Variants in IKBKB observed in about 807,000 individuals in gnomAD.
IKBKB encodes the protein inhibitor of nuclear factor kappa-B kinase subunit beta.
A neutral mutation model predicts 113.6 loss-of-function variants in IKBKB; 42 were observed. That is an observed-to-expected ratio of 0.37 (90% CI 0.29 to 0.48). IKBKB has a LOEUF of 0.48. Ranked by LOEUF, IKBKB falls within the 20% of genes least tolerant of loss-of-function variation. The probability of loss-of-function intolerance (pLI) is 0.99; values close to 1 mark genes in which losing one functional copy is unlikely to be tolerated. For synonymous variants in IKBKB, 296 were observed against 361.3 expected, an observed-to-expected ratio of 0.82 and a Z score of 2.05; for missense variants, 673 against 939.7, an observed-to-expected ratio of 0.72 and a Z score of 3.71.
At chr8:42,278,713 T>TG (rs1809703448) in intron 2 of IKBKB, among the ~76,000 whole-genome samples, 2 of 334 alleles carry the variant, frequency 6.0e-3, no homozygotes, top group Admixed American at 0.056. Context: ...AAGAGATATT[T>TG]AGCCTGGTGC....
intron 9 of IKBKB, among the ~76,000 whole-genome samples, chr8:42,315,360 G>A (rs1424209178): frequency 6.6e-6 from 1 of 152,130 alleles, no homozygotes; most frequent in Non-Finnish European, 1.5e-5. Flanking sequence ...TTTTGGAAGG[G>A]TCTAGACAGA....
chr8:42,293,760 G>C (rs1665620343), intron 5 of IKBKB, among the ~76,000 whole-genome samples: 1 of 152,142 alleles, frequency 6.6e-6, no homozygotes, highest in Non-Finnish European at 1.5e-5. Flanking sequence ...GATGTATAGG[G>C]AATAACAGAT....
At chr8:42,281,202 C>T (rs1810310759) in intron 2 of IKBKB, among the ~76,000 whole-genome samples, 2 of 152,102 alleles carry the variant, frequency 1.3e-5, no homozygotes, top group African/African-American at 4.8e-5. Context: ...TTAGCAGGAT[C>T]TGGAAAGGAG....
At chr8:42,328,294 T>C (rs2130730900) in intron 20 of IKBKB, among the ~76,000 whole-genome samples, 1 of 142,432 alleles carries the variant, frequency 7.0e-6, no homozygotes, top group African/African-American at 2.6e-5. Context: ...CCCCAACCTC[T>C]CATGAGCTCC....
intron 4 of IKBKB, among the ~76,000 whole-genome samples, chr8:42,291,037 G>A (rs1443235915): frequency 1.3e-5 from 2 of 152,220 alleles, no homozygotes; most frequent in Admixed American, 6.5e-5. Context: ...ATGGGTGGAT[G>A]TCATGGCCCA....
At chr8:42,311,486 A>G (rs949308584) in intron 8 of IKBKB, among the ~76,000 whole-genome samples, 1 of 146,112 alleles carries the variant, frequency 6.8e-6, no homozygotes, top group Admixed American at 7.3e-5. Context: ...GCTGGAACCC[A>G]GGAGGCAGAG....
chr8:42,326,209 G>T, intron 20 of IKBKB, 112 bp downstream of exon 20: 1 of 1,322,314 alleles, frequency 7.6e-7, no homozygotes, highest in East Asian at 2.5e-5. Flanking sequence ...CCACCTCTCT[G>T]GATGTTTGTT....
Position 42,316,204 on chromosome 8 carries a change from CCA to C in IKBKB, c.801-3_801-2del. On this transcript the variant is annotated splice_polypyrimidine_tract_variant and splice_region_variant and intron_variant, in intron 9 of 21. Transcript: ENST00000520810. This position sits in a 1 kb window ranked among gnomAD's most constrained non-coding sequence, Gnocchi z 4.5. The stretch of plus-strand genomic sequence containing the variant: ...GTCTCCTCACACACTATGCTCCTCT[CCA>C]CAGTGTCCTGGCTGAGCGACTGGAG... 4 of 1,613,888 alleles carry C rather than the reference CCA, an allele frequency of 2.5e-6. No individual in the cohort carries two copies. The highest frequency in any genetic ancestry group is 3.4e-6 in the Non-Finnish European group (4 of 1,179,896).
At chr8:42,292,711 A>G (rs1812906867) in intron 4 of IKBKB, among the ~76,000 whole-genome samples, 1 of 152,150 alleles carries the variant, frequency 6.6e-6, no homozygotes, top group Non-Finnish European at 1.5e-5. Flanking sequence ...TCCCAGCAGC[A>G]CACAGAGCCT....
At chr8:42,314,876 A>G (rs527836118) in intron 9 of IKBKB, among the ~76,000 whole-genome samples, 58 of 152,326 alleles carry the variant, frequency 3.8e-4, no homozygotes, top group African/African-American at 1.3e-3. Flanking sequence ...AAATTAACAT[A>G]GTCCTTCTTA....
intron 17 of IKBKB, 39 bp from the exon 18 acceptor site, chr8:42,322,015 G>A (rs200792258): frequency 6.8e-6 from 11 of 1,607,792 alleles, no homozygotes; most frequent in Non-Finnish European, 9.4e-6. Context: ...ACTCTCTGCT[G>A]GCTTCCTTGA....
rs142827656 is a variant in IKBKB, at chr8:42,304,152, G to A, written c.389-1035G>A. On this transcript the variant is annotated intron_variant, in intron 5 of 21. Transcript: ENST00000520810. ...GCTATTGACTTGTGTATTCTTGTTCGTTTCCAGACAACTGGCTAAATTTTA... is the reference window on the plus strand; with the variant it reads ...GCTATTGACTTGTGTATTCTTGTTCATTTCCAGACAACTGGCTAAATTTTA... Among the ~76,000 whole-genome samples the A allele has an allele frequency of 1.9e-3, 284 of 152,166 alleles. 1 individual carries two copies. Among genetic ancestry groups the A allele is most frequent in the Non-Finnish European group, 3.0e-3 (207 of 67,988 alleles).
chr8:42,287,486 T>C (rs1811659601), intron 2 of IKBKB, among the ~76,000 whole-genome samples: 1 of 152,270 alleles, frequency 6.6e-6, no homozygotes, highest in African/African-American at 2.4e-5. Flanking sequence ...GCACCTGTGC[T>C]GGCAAGTGTA....
intron 20 of IKBKB, among the ~76,000 whole-genome samples, chr8:42,327,587 C>T (rs567387917): frequency 2.0e-5 from 3 of 151,640 alleles, no homozygotes; most frequent in African/African-American, 7.3e-5. Flanking sequence ...CCTGCCTCAG[C>T]CTCCCAAAGT....
chr8:42,322,577 C>A, intron 19 of IKBKB, 83 bp downstream of exon 19: 1 of 1,422,276 alleles, frequency 7.0e-7, no homozygotes. Context: ...CCATCCCACA[C>A]GGGACACCAC....
chr8:42,288,805 C>T lies in IKBKB; in HGVS notation c.200+77C>T, dbSNP rs1024106098. On this transcript the variant is annotated intron_variant, in intron 3 of 21. Coordinates refer to ENST00000520810, the MANE Select transcript of IKBKB (RefSeq NM_001556.3). ...GGTGTGTCTAGAAAGGAGAGTCTTG[C>T]TGGGTGCGTGGCTCACGCCTGTAAT... is the stretch of plus-strand genomic sequence containing the variant. The T allele has an allele frequency of 5.8e-6, 7 of 1,211,564 alleles. No individual in the cohort carries two copies. In the African/African-American group the frequency reaches 9.1e-5, roughly 16 times the overall value. 75.1% of individuals were successfully genotyped at this position (1,211,564 alleles called of 1,614,324 possible). A position where few individuals can be genotyped will look rare whatever the true frequency, so the allele number is the denominator to read the frequency against.
chr8:42,317,593 CATTATCAGTTAGAAAAGAGAGGGTTG>C, intron 11 of IKBKB, 38 bp from the exon 12 acceptor site: 1 of 1,083,120 alleles, frequency 9.2e-7, no homozygotes. Flanking sequence ...GGAACTTCTT[CATTATCAGTTAGAAAAGAGAGGGTTG>C]GATCCACAAG....
At chr8:42,293,682 TCAGCCAGA>T in intron 5 of IKBKB, 170 bp downstream of exon 5, 1 of 1,055,840 alleles carries the variant, frequency 9.5e-7, no homozygotes, top group South Asian at 1.5e-5. Flanking sequence ...CAACAAGGAG[TCAGCCAGA>T]CAGATGCTGA....
intron 5 of IKBKB, among the ~76,000 whole-genome samples, chr8:42,303,015 G>A (rs1815602148): frequency 6.6e-6 from 1 of 151,482 alleles, no homozygotes; most frequent in African/African-American, 2.4e-5. Context: ...AGATAGGATC[G>A]CTGCCTGGGC....
Sources: allele counts gnomAD v4.1 joint callset (sites outside exome capture counted in the v4.1 genomes callset), GRCh38; gene constraint gnomAD v4.1.1; non-coding constraint Gnocchi (gnomAD v3.1); transcripts MANE v1.5; gene names NCBI Gene and HGNC (gene_info 2026-07-23, HGNC 2026-07-21).